LMX1A: variants seen among roughly 807,000 people sequenced by gnomAD.
LMX1A encodes LIM homeobox transcription factor 1-alpha.
LMX1A carries 15 observed loss-of-function variants against 49.1 expected under a neutral mutation model. The observed-to-expected ratio is 0.31, with a 90% CI of 0.20 to 0.47. LMX1A has a LOEUF of 0.47. Ranked by LOEUF, LMX1A falls within the 20% of genes least tolerant of loss-of-function variation. The pLI, the probability that LMX1A is intolerant of heterozygous loss-of-function variation, is 1.00. For missense variants in LMX1A, 372 were observed against 475.8 expected (o/e 0.78, Z 2.03); for synonymous variants, 167 against 185.7 (o/e 0.90, Z 0.82).
At chr1:165,267,603 A>C (rs1329274966) in intron 3 of LMX1A, among the ~76,000 whole-genome samples, 1 of 152,242 alleles carries the variant, frequency 6.6e-6, no homozygotes, top group Non-Finnish European at 1.5e-5. Flanking sequence ...GGGGAGGATA[A>C]GAACAGAAGG....
At chr1:165,331,686 G>A (rs931196588) in intron 3 of LMX1A, among the ~76,000 whole-genome samples, 17 of 152,192 alleles carry the variant, frequency 1.1e-4, no homozygotes, top group Non-Finnish European at 1.6e-4. Flanking sequence ...GGAGGCCAAG[G>A]TGGGTGAATC....
chr1:165,206,751 G>T (rs1651098505), intron 7 of LMX1A, among the ~76,000 whole-genome samples: 1 of 152,158 alleles, frequency 6.6e-6, no homozygotes, highest in Non-Finnish European at 1.5e-5. Flanking sequence ...CCCACATAAA[G>T]AGCCTTAGGG....
chr1:165,304,110 G>A (rs539233472), intron 3 of LMX1A, among the ~76,000 whole-genome samples: 156 of 152,148 alleles, frequency 1.0e-3, no homozygotes, highest in Non-Finnish European at 1.9e-3. Flanking sequence ...AATGGAGGTG[G>A]TGAAGCCAGG....
chr1:165,324,579 T>C (rs753727232), intron 3 of LMX1A, among the ~76,000 whole-genome samples: 9 of 152,084 alleles, frequency 5.9e-5, no homozygotes, highest in African/African-American at 1.7e-4. Context: ...ACCAGAGATA[T>C]AGGGAGAAAA....
intron 3 of LMX1A, among the ~76,000 whole-genome samples, chr1:165,269,112 T>G (rs536211269): frequency 2.0e-5 from 3 of 152,258 alleles, no homozygotes; most frequent in Admixed American, 6.5e-5. Context: ...ACCAAGAACA[T>G]TTCAGTCCCT....
intron 3 of LMX1A, among the ~76,000 whole-genome samples, chr1:165,284,738 T>C (rs1191559255): frequency 6.6e-6 from 1 of 152,160 alleles, no homozygotes; most frequent in Admixed American, 6.5e-5. Flanking sequence ...AACACGGAAG[T>C]CCTTCAGCTT....
intron 3 of LMX1A, among the ~76,000 whole-genome samples, chr1:165,304,711 T>C (rs549669682): frequency 6.6e-6 from 1 of 152,324 alleles, no homozygotes; most frequent in African/African-American, 2.4e-5. Flanking sequence ...CTCGTTGCCC[T>C]TCCCTGCCTC....
At chr1:165,346,976 AGTTG>A (rs1300035343) in intron 3 of LMX1A, among the ~76,000 whole-genome samples, 1 of 152,198 alleles carries the variant, frequency 6.6e-6, no homozygotes, top group Admixed American at 6.5e-5. Flanking sequence ...TTAGCAAGAC[AGTTG>A]GCCAGATTTT....
At chr1:165,222,175 G>A (rs749129904) in intron 4 of LMX1A, among the ~76,000 whole-genome samples, 7 of 152,112 alleles carry the variant, frequency 4.6e-5, no homozygotes, top group Admixed American at 3.3e-4. Flanking sequence ...AATCAAGCCT[G>A]GGTAAATATA....
intron 2 of LMX1A, among the ~76,000 whole-genome samples, chr1:165,353,608 GTAAT>G (rs1202793373): frequency 6.6e-6 from 1 of 152,118 alleles, no homozygotes; most frequent in Non-Finnish European, 1.5e-5. Flanking sequence ...TTATTACGTC[GTAAT>G]TAATTATTAA....
At chr1:165,353,043 C>A (rs1656479698) in intron 3 of LMX1A, 33 bp downstream of exon 3, 1 of 1,603,368 alleles carries the variant, frequency 6.2e-7, no homozygotes, top group South Asian at 1.1e-5. Flanking sequence ...GATGCCAGTG[C>A]GCGGGGAGCG....
At chr1:165,244,965 C>T (rs1193942175) in intron 4 of LMX1A, among the ~76,000 whole-genome samples, 1 of 152,020 alleles carries the variant, frequency 6.6e-6, no homozygotes, top group Non-Finnish European at 1.5e-5. Flanking sequence ...AAGGCTGGGT[C>T]ACACCAGAAA....
chr1:165,341,311 G>A (rs988425364), intron 3 of LMX1A, among the ~76,000 whole-genome samples: 1 of 151,996 alleles, frequency 6.6e-6, no homozygotes, highest in African/African-American at 2.4e-5. Context: ...CCATCCATTT[G>A]CACATGTTTC....
intron 4 of LMX1A, among the ~76,000 whole-genome samples, chr1:165,221,936 C>CAG (rs1651864111): frequency 6.9e-6 from 1 of 145,076 alleles, no homozygotes; most frequent in Non-Finnish European, 1.5e-5. Context: ...CACACACACA[C>CAG]ACACACACGC....
chr1:165,273,874 T>C (rs938979927), intron 3 of LMX1A, among the ~76,000 whole-genome samples: 1 of 152,164 alleles, frequency 6.6e-6, no homozygotes, highest in African/African-American at 2.4e-5. Flanking sequence ...TGGGAGGGCA[T>C]AGAGGACCAT....
At chr1:165,272,269 C>T (rs188942451) in intron 3 of LMX1A, among the ~76,000 whole-genome samples, 74 of 152,290 alleles carry the variant, frequency 4.9e-4, no homozygotes, top group African/African-American at 1.6e-3. Context: ...TCATACTTTA[C>T]GAACACAAAA....
chr1:165,237,385 G>A (rs1301915655), intron 4 of LMX1A, among the ~76,000 whole-genome samples: 1 of 152,012 alleles, frequency 6.6e-6, no homozygotes, highest in Non-Finnish European at 1.5e-5. Context: ...CACCACACCC[G>A]GCTAATTTTT....
intron 3 of LMX1A, among the ~76,000 whole-genome samples, chr1:165,273,544 T>C (rs901160256): frequency 2.0e-5 from 3 of 151,942 alleles, no homozygotes; most frequent in Non-Finnish European, 4.4e-5. Context: ...TCCTGTATAT[T>C]GACCACTTAA....
At chr1:165,304,975 C>G (rs979678988) in intron 3 of LMX1A, among the ~76,000 whole-genome samples, 4 of 152,182 alleles carry the variant, frequency 2.6e-5, no homozygotes, top group African/African-American at 9.7e-5. Flanking sequence ...CAGTTATAAC[C>G]TGCACATTGT....
Sources: gnomAD v4.1 joint callset for allele counts (sites outside exome capture counted in the v4.1 genomes callset) on GRCh38, gnomAD v4.1.1 for gene constraint, MANE v1.5 for transcripts, NCBI Gene and HGNC (gene_info 2026-07-23, HGNC 2026-07-21) for gene names.